CRTC1: variants seen among roughly 807,000 people sequenced by gnomAD.
CRTC1 encodes CREB-regulated transcription coactivator 1.
CRTC1 carries 18 observed loss-of-function variants against 66.1 expected under a neutral mutation model. The ratio of observed to expected loss-of-function variants is 0.27; its 90% CI spans 0.19 to 0.40. CRTC1 has a LOEUF of 0.40. Among genes scored for constraint, CRTC1 ranks in the 10% least tolerant of loss-of-function variants. The pLI, the probability that CRTC1 is intolerant of heterozygous loss-of-function variation, is 1.00. For synonymous variants in CRTC1, 416 were observed against 398.8 expected, an observed-to-expected ratio of 1.04 and a Z score of -0.51; for missense variants, 669 against 887.9, an observed-to-expected ratio of 0.75 and a Z score of 3.13.
intron 1 of CRTC1, among the ~76,000 whole-genome samples, chr19:18,714,810 C>T (rs117789666): frequency 6.6e-6 from 1 of 152,376 alleles, no homozygotes; most frequent in Non-Finnish European, 1.5e-5. Flanking sequence ...CCACATCCTG[C>T]TGTCTGCACC....
intron 3 of CRTC1, 81 bp from the exon 4 acceptor site, chr19:18,746,972 G>C (rs1018042206): frequency 2.9e-6 from 4 of 1,390,718 alleles, no homozygotes; most frequent in East Asian, 2.3e-5. Context: ...CCAGCCAGCC[G>C]GGGCTTCCTG....
chr19:18,759,760 C>G (rs555871739), intron 7 of CRTC1, among the ~76,000 whole-genome samples, 169 bp downstream of exon 7: 2 of 152,248 alleles, frequency 1.3e-5, no homozygotes, highest in East Asian at 3.9e-4. Flanking sequence ...GCACCTCATT[C>G]CCAGGGATGA....
intron 1 of CRTC1, among the ~76,000 whole-genome samples, chr19:18,692,803 C>T (rs112847853): frequency 0.021 from 3,147 of 151,908 alleles, 52 homozygotes; most frequent in Middle Eastern, 0.037. Flanking sequence ...GGGCCGGGCA[C>T]GGTGGCTCAC....
chr19:18,686,688 CA>C (rs2052691276), intron 1 of CRTC1, among the ~76,000 whole-genome samples: 1 of 152,186 alleles, frequency 6.6e-6, no homozygotes, highest in African/African-American at 2.4e-5. Flanking sequence ...ATGCAGGTGG[CA>C]GTTCTTTCAG....
At position 18,777,394 on chromosome 19, in the gene CRTC1, G is replaced by C. The variant is rs769083600; in HGVS notation, c.*12G>C. On this transcript the variant is annotated 3_prime_UTR_variant, in exon 14 of 14. Coordinates refer to ENST00000321949, the MANE Select transcript of CRTC1 (RefSeq NM_015321.3). The surrounding 1 kb of genome is among the most constrained non-coding windows in gnomAD (Gnocchi z 5.5). ...TGGACCGCCTGTGAGCGGGCACGCC[G>C]GCACCCTGCCGCTCAGCCGTCCCGA... is the stretch of plus-strand genomic sequence containing the variant. 1.3e-6 allele frequency: 2 copies of C among 1,599,458 alleles called. No homozygotes were observed. The highest frequency in any genetic ancestry group is 2.7e-5 in the African/African-American group (2 of 74,866).
Position 18,775,754 on chromosome 19 carries a change from G to A in CRTC1, c.1626G>A (p.Gly542=). 5 of 1,612,240 alleles carry A rather than the reference G, an allele frequency of 3.1e-6. No individual in the cohort carries two copies. The highest frequency in any genetic ancestry group is 4.2e-6 in the Non-Finnish European group (5 of 1,179,620). ...AAMMGLTGSH[G]SLPDSQQLGY... ...TGATGGGCCTCACGGGCAGCCACGG[G>A]AGCCTGCCGGACTCGCAGCAACTGG... Residue 542 remains glycine (G), a synonymous_variant, in exon 13 of 14, where the codon GGG becomes GGA. Coordinates refer to ENST00000321949, the MANE Select transcript of CRTC1 (RefSeq NM_015321.3).
chr19:18,752,160 AAAAAGAAAG>A (rs1236004408), intron 5 of CRTC1, among the ~76,000 whole-genome samples: 1 of 151,570 alleles, frequency 6.6e-6, no homozygotes, highest in Non-Finnish European at 1.5e-5. Flanking sequence ...AAAAAAAAAA[AAAAAGAAAG>A]AAAGAAAAAT....
rs2054103984 is a variant in CRTC1 at position 18,741,227 on chromosome 19, GT to G, written c.127-1682del. Among the ~76,000 whole-genome samples the G allele has an allele frequency of 6.6e-6, 1 of 152,220 alleles. No homozygotes were observed. Among genetic ancestry groups the G allele is most frequent in the South Asian group, 2.1e-4 (1 of 4,836 alleles). On this transcript the variant is annotated intron_variant, in intron 1 of 13. Coordinates refer to ENST00000321949, the MANE Select transcript of CRTC1 (RefSeq NM_015321.3). This position sits in a 1 kb window ranked among gnomAD's most constrained non-coding sequence, Gnocchi z 4.2. ...ATTGTCCCCGCATCCCAGGTTTCCT[GT>G]GGCCCGGGGACATAGTGTAAACAAA... is the stretch of plus-strand genomic sequence containing the variant.
At chr19:18,757,485 G>A (rs573123191) in intron 6 of CRTC1, among the ~76,000 whole-genome samples, 80 of 152,324 alleles carry the variant, frequency 5.3e-4, no homozygotes, top group African/African-American at 1.5e-3. Context: ...TGTCCTCACA[G>A]CCAGAGCCAG....
intron 1 of CRTC1, among the ~76,000 whole-genome samples, chr19:18,692,389 A>T (rs1438790653): frequency 1.3e-5 from 2 of 152,200 alleles, no homozygotes; most frequent in African/African-American, 4.8e-5. Flanking sequence ...CATGAAAAAC[A>T]GAAATTAATT....
chr19:18,701,963 G>A (rs1230374088), intron 1 of CRTC1, among the ~76,000 whole-genome samples: 5 of 110,288 alleles, frequency 4.5e-5, no homozygotes, highest in Non-Finnish European at 8.9e-5. Context: ...CACTCTTGTT[G>A]CCCAGGCTGG....
intron 1 of CRTC1, among the ~76,000 whole-genome samples, chr19:18,695,375 G>A (rs77982893): frequency 0.026 from 3,912 of 152,246 alleles, 163 homozygotes; most frequent in African/African-American, 0.09. Flanking sequence ...TCTGCCCTGG[G>A]TAGAGACTGG....
intron 5 of CRTC1, among the ~76,000 whole-genome samples, chr19:18,752,804 A>G (rs1311805589): frequency 6.6e-6 from 1 of 151,552 alleles, no homozygotes; most frequent in Non-Finnish European, 1.5e-5. Context: ...TGCCCGGCCA[A>G]TTTTTGTATT....
rs1472007881 is a variant in CRTC1, at chr19:18,777,625, C to T, written c.*243C>T. ...TGGGCTGGGATCGGAGGCCGTGAGC[C>T]TCCCGCCCCTGCAGACCCTCCCTGC... On this transcript the variant is annotated 3_prime_UTR_variant, in exon 14 of 14. Transcript: ENST00000321949. The surrounding 1 kb of genome is among the most constrained non-coding windows in gnomAD (Gnocchi z 5.5). 2 of 516,390 alleles carry T rather than the reference C, an allele frequency of 3.9e-6. No homozygotes were observed. The highest frequency in any genetic ancestry group is 3.4e-6 in the Non-Finnish European group (1 of 292,768). The allele number at this position is 516,390 out of a possible 1,614,324, so 32.0% of individuals were successfully genotyped here.
At chr19:18,737,032 T>C (rs1049596533) in intron 1 of CRTC1, among the ~76,000 whole-genome samples, 1 of 152,116 alleles carries the variant, frequency 6.6e-6, no homozygotes. Context: ...CGCATTATAC[T>C]GGGGCCACCC....
chr19:18,688,555 C>A (rs1292740405), intron 1 of CRTC1, among the ~76,000 whole-genome samples: 1 of 152,080 alleles, frequency 6.6e-6, no homozygotes. Flanking sequence ...TCTTCTGCCT[C>A]AGCCTCCCAA....
chr19:18,747,970 G>A (rs556830536), intron 4 of CRTC1, among the ~76,000 whole-genome samples: 7 of 152,148 alleles, frequency 4.6e-5, no homozygotes, highest in South Asian at 4.1e-4. Context: ...CCAGCTACTC[G>A]GGAGGCTGAG....
intron 1 of CRTC1, among the ~76,000 whole-genome samples, chr19:18,702,836 G>C (rs955042773): frequency 6.6e-6 from 1 of 152,090 alleles, no homozygotes; most frequent in Admixed American, 6.6e-5. Context: ...TAGACTTTGT[G>C]AAAAGTTTTG....
chr19:18,755,625 T>TTTCACTCA (rs2054467237), intron 6 of CRTC1, among the ~76,000 whole-genome samples: 3 of 138,896 alleles, frequency 2.2e-5, no homozygotes, highest in African/African-American at 8.2e-5. Flanking sequence ...TTTTCTGAGA[T>TTTCACTCA]GGAGTTTCAC....
Sources: gnomAD v4.1 joint callset for allele counts (sites outside exome capture counted in the v4.1 genomes callset) on GRCh38, gnomAD v4.1.1 for gene constraint, Gnocchi (gnomAD v3.1) non-coding constraint, MANE v1.5 for transcripts, NCBI Gene and HGNC (gene_info 2026-07-23, HGNC 2026-07-21) for gene names.